Variants in GPHN observed in about 807,000 individuals in gnomAD.
GPHN encodes the protein gephyrin.
A neutral mutation model predicts 95.5 loss-of-function variants in GPHN; 17 were observed. That is an observed-to-expected ratio of 0.18 (90% CI 0.12 to 0.27). The LOEUF (loss-of-function observed/expected upper bound fraction) is 0.27, where lower values mean the gene tolerates loss of function less well. Ranked by LOEUF, GPHN falls within the 10% of genes least tolerant of loss-of-function variation. GPHN has a pLI of 1.00. For missense variants in GPHN, 660 were observed against 978.1 expected, an observed-to-expected ratio of 0.67 and a Z score of 4.34; for synonymous variants, 320 against 322.5, an observed-to-expected ratio of 0.99 and a Z score of 0.08.
At chr14:67,400,929 A>G in the GPHN span, among the ~76,000 whole-genome samples, 1 of 151,932 alleles carries the variant, frequency 6.6e-6, no homozygotes, top group African/African-American at 2.4e-5. Context: ...GTTTGAGGCT[A>G]TAGTGAGCTA....
the GPHN span, among the ~76,000 whole-genome samples, chr14:67,291,541 C>A: frequency 6.6e-6 from 1 of 152,142 alleles, no homozygotes; most frequent in Non-Finnish European, 1.5e-5. Context: ...TCTGGGCCTC[C>A]CAGAGTGCTG....
At chr14:67,323,912 T>A in the GPHN span, 2 of 640,104 alleles carry the variant, frequency 3.1e-6, no homozygotes, top group Non-Finnish European at 5.4e-6. Context: ...AGCTTGAGCT[T>A]TCAAACTGAT....
chr14:67,107,557 T>C (rs2078113635), intron 13 of GPHN, among the ~76,000 whole-genome samples: 1 of 152,106 alleles, frequency 6.6e-6, no homozygotes, highest in Non-Finnish European at 1.5e-5. Flanking sequence ...GGGAGCAGGG[T>C]ATGGCCGCAG....
intron 1 of GPHN, among the ~76,000 whole-genome samples, chr14:66,647,431 C>T (rs965924811): frequency 2.6e-5 from 4 of 151,382 alleles, no homozygotes; most frequent in Non-Finnish European, 4.4e-5. Context: ...GACTAAATAT[C>T]GTGAGATATT....
At chr14:67,600,126 G>A in the GPHN span, 1 of 1,596,056 alleles carries the variant, frequency 6.3e-7, no homozygotes, top group South Asian at 1.1e-5. Flanking sequence ...AGAATTCCCG[G>A]CAGGACGGGG....
chr14:67,186,178 A>C (rs1026545399), downstream of GPHN, among the ~76,000 whole-genome samples: 2 of 152,202 alleles, frequency 1.3e-5, no homozygotes, highest in African/African-American at 4.8e-5. Flanking sequence ...GCTCCATGTT[A>C]GGCACCGAGA....
chr14:67,572,350 A>T, the GPHN span: 1 of 1,366,722 alleles, frequency 7.3e-7, no homozygotes, highest in East Asian at 2.7e-5. Flanking sequence ...TCAGCACAAG[A>T]CATAGGCAGT....
chr14:66,892,170 C>T (rs2064547906), intron 5 of GPHN, among the ~76,000 whole-genome samples: 1 of 152,086 alleles, frequency 6.6e-6, no homozygotes, highest in South Asian at 2.1e-4. Flanking sequence ...AACCTGTAAT[C>T]CCAACACTTT....
chr14:67,281,399 T>A, the GPHN span, among the ~76,000 whole-genome samples: 1 of 152,222 alleles, frequency 6.6e-6, no homozygotes, highest in African/African-American at 2.4e-5. Context: ...ATTTTTTTAA[T>A]ACCTTTATGT....
intron 11 of GPHN, among the ~76,000 whole-genome samples, chr14:67,087,444 G>A (rs2076952989): frequency 7.3e-6 from 1 of 136,216 alleles, no homozygotes; most frequent in Non-Finnish European, 1.5e-5. Context: ...TTATATATGT[G>A]AATACAAACT....
the GPHN span, among the ~76,000 whole-genome samples, chr14:67,617,572 A>G: frequency 5.4e-4 from 83 of 152,354 alleles, 1 homozygote; most frequent in African/African-American, 1.8e-3. Flanking sequence ...CTCCCAGTGC[A>G]TAATAAAGTG....
intron 1 of GPHN, among the ~76,000 whole-genome samples, chr14:66,661,415 CTTCT>C (rs2065640294): frequency 6.6e-6 from 1 of 152,100 alleles, no homozygotes; most frequent in African/African-American, 2.4e-5. Context: ...GGCCAGACTG[CTTCT>C]TTAAGAGGGA....
At chr14:67,358,588 C>T in the GPHN span, among the ~76,000 whole-genome samples, 1 of 152,056 alleles carries the variant, frequency 6.6e-6, no homozygotes, top group Non-Finnish European at 1.5e-5. Context: ...TAATCTCAGC[C>T]GCCAGGGAGG....
intron 1 of GPHN, among the ~76,000 whole-genome samples, chr14:66,591,132 A>C (rs2061625657): frequency 6.6e-6 from 1 of 152,170 alleles, no homozygotes; most frequent in South Asian, 2.1e-4. Context: ...CTCTCAATAA[A>C]CTTGGTATTG....
intron 2 of GPHN, among the ~76,000 whole-genome samples, chr14:66,688,995 A>G (rs533088188): frequency 1.3e-5 from 2 of 152,340 alleles, no homozygotes; most frequent in Non-Finnish European, 1.5e-5. Flanking sequence ...GCAAACCAAC[A>G]TGGCACATGT....
At chr14:66,582,507 T>A (rs1351800087) in intron 1 of GPHN, among the ~76,000 whole-genome samples, 1 of 152,166 alleles carries the variant, frequency 6.6e-6, no homozygotes, top group East Asian at 1.9e-4. Flanking sequence ...TAGCATTAGG[T>A]ATATCTCCTA....
chr14:67,689,032 G>T, the GPHN span, among the ~76,000 whole-genome samples: 1 of 152,118 alleles, frequency 6.6e-6, no homozygotes, highest in African/African-American at 2.4e-5. Flanking sequence ...ACAACTATCA[G>T]AGTCACCTCA....
chr14:67,659,217 G>A, the GPHN span, among the ~76,000 whole-genome samples: 1 of 152,142 alleles, frequency 6.6e-6, no homozygotes, highest in Admixed American at 6.5e-5. Context: ...CTCGAGAAGC[G>A]CCCTGCATTG....
At position 66,865,072 on chromosome 14, in the gene GPHN, C is replaced by T. The variant is rs78921928; in HGVS notation, c.295-14867C>T. 1.9e-3 allele frequency among the ~76,000 whole-genome samples: 285 copies of T among 151,996 alleles called. 3 individuals carry two copies. In the East Asian group the frequency reaches 0.04, roughly 21 times the overall value. On this transcript the variant is annotated intron_variant, in intron 4 of 22. Coordinates refer to ENST00000478722, the MANE Select transcript of GPHN (RefSeq NM_020806.5). ...TGAGCTAAAAATGAAAACAACTGAACGCATGGAGATATATAGTAGAAGGAT... is the reference window on the plus strand; with the variant it reads ...TGAGCTAAAAATGAAAACAACTGAATGCATGGAGATATATAGTAGAAGGAT...
Sources: gnomAD v4.1 joint callset for allele counts (sites outside exome capture counted in the v4.1 genomes callset) on GRCh38, gnomAD v4.1.1 for gene constraint, MANE v1.5 for transcripts, NCBI Gene and HGNC (gene_info 2026-07-23, HGNC 2026-07-21) for gene names.